Variants in XIRP2 observed in about 807,000 individuals in gnomAD.
XIRP2 encodes xin actin binding repeat containing 2.
XIRP2 carries 236 observed loss-of-function variants against 277.0 expected under a neutral mutation model. That is an observed-to-expected ratio of 0.85 (90% CI 0.77 to 0.95). The LOEUF (loss-of-function observed/expected upper bound fraction) is 0.95. Among genes scored for constraint, XIRP2 ranks in the 40% least tolerant of loss-of-function variants. The probability of loss-of-function intolerance (pLI) is 0.00; values close to 1 mark genes in which losing one functional copy is unlikely to be tolerated. For missense variants in XIRP2, 4,640 were observed against 4,157.5 expected, an observed-to-expected ratio of 1.12 and a Z score of -3.19; for synonymous variants, 1,490 against 1,416.5, an observed-to-expected ratio of 1.05 and a Z score of -1.17.
intron 2 of XIRP2, among the ~76,000 whole-genome samples, chr2:166,936,279 T>C (rs1685499020): frequency 6.6e-6 from 1 of 152,212 alleles, no homozygotes; most frequent in Non-Finnish European, 1.5e-5. Flanking sequence ...TTCTTGTAAA[T>C]TTGTTTGAGT....
chr2:167,251,606 A>G lies in XIRP2; in HGVS notation c.10214A>G (p.Gln3405Arg). The change falls in exon 9 of 11, where the codon CAG (glutamine) becomes CGG (arginine). Residue 3405 changes from glutamine (Q) to arginine (R), a missense_variant. Coordinates refer to ENST00000409195, the MANE Select transcript of XIRP2 (RefSeq NM_152381.6). ...CTGCGAGAAAAGATTCCTGTTAAGC[A>G]GCCCAGGATCTGCTCTGAAACCAGG... ...RELREKIPVKQPRICSETRSL... is the reference protein window; with the variant it reads ...RELREKIPVKRPRICSETRSL... 2 of 1,613,582 alleles carry G rather than the reference A, an allele frequency of 1.2e-6. No homozygotes were observed. The highest frequency in any genetic ancestry group is 2.2e-5 in the South Asian group (2 of 91,068).
rs374329898 is a variant in XIRP2, at chr2:167,006,271, C to A, written c.408+102381C>A. Among the ~76,000 whole-genome samples, 5 of 151,568 alleles carry A rather than the reference C, an allele frequency of 3.3e-5. No homozygotes were observed. In the East Asian group the frequency reaches 9.7e-4, roughly 30 times the overall value. On this transcript the variant is annotated intron_variant, in intron 2 of 10. Coordinates refer to ENST00000409195, the MANE Select transcript of XIRP2 (RefSeq NM_152381.6). ...AAGCTACCAAGGATTTTTTATCCCC[C>A]CTAGGAGTTAGAGAAGACTTTGTAG...
chr2:167,008,922 C>A (rs1490965297), intron 2 of XIRP2, among the ~76,000 whole-genome samples: 1 of 151,336 alleles, frequency 6.6e-6, no homozygotes, highest in East Asian at 1.9e-4. Flanking sequence ...TACTTTTCAC[C>A]TAATTTAGAA....
chr2:167,224,280 T>A (rs1694524792), intron 5 of XIRP2, among the ~76,000 whole-genome samples: 1 of 152,046 alleles, frequency 6.6e-6, no homozygotes, highest in Non-Finnish European at 1.5e-5. Context: ...GTTGCCCAGG[T>A]GGTAGTGCAG....
chr2:166,939,512 C>G (rs185080450), intron 2 of XIRP2, among the ~76,000 whole-genome samples: 208 of 151,688 alleles, frequency 1.4e-3, no homozygotes, highest in Non-Finnish European at 2.2e-3. Flanking sequence ...AACCCCGTCT[C>G]TACTAAAAAT....
At chr2:167,018,460 AC>A in intron 2 of XIRP2, among the ~76,000 whole-genome samples, 1 of 152,186 alleles carries the variant, frequency 6.6e-6, no homozygotes, top group East Asian at 1.9e-4. Flanking sequence ...AAACAGAGAG[AC>A]ACACTATTTA....
At chr2:166,931,238 A>G (rs1685327740) in intron 2 of XIRP2, among the ~76,000 whole-genome samples, 1 of 152,166 alleles carries the variant, frequency 6.6e-6, no homozygotes, top group Admixed American at 6.6e-5. Context: ...AACAGACATG[A>G]ATGTTTAAGA....
chr2:167,107,106 A>G (rs1431805878), intron 2 of XIRP2, among the ~76,000 whole-genome samples: 1 of 151,752 alleles, frequency 6.6e-6, no homozygotes, highest in Non-Finnish European at 1.5e-5. Flanking sequence ...AAATTGGAAG[A>G]GTTTTATTCT....
At chr2:167,008,450 A>C (rs1687565650) in intron 2 of XIRP2, among the ~76,000 whole-genome samples, 1 of 151,618 alleles carries the variant, frequency 6.6e-6, no homozygotes, top group African/African-American at 2.4e-5. Flanking sequence ...ATTCTGTCAT[A>C]ATAAAATGGT....
Position 167,232,270 on chromosome 2 carries a change from C to T in XIRP2, c.859-7585C>T, listed in dbSNP as rs555275175. On this transcript the variant is annotated intron_variant, in intron 5 of 10. Coordinates refer to ENST00000409195, the MANE Select transcript of XIRP2 (RefSeq NM_152381.6). ...TCACTAGGTATGAGTTCATGAAAGA[C>T]GAAGTGTAAATAAATTGGATAGGTG... Among the ~76,000 whole-genome samples the T allele has an allele frequency of 5.3e-5, 8 of 151,996 alleles. No individual in the cohort carries two copies. The East Asian group carries it at 7.7e-4, about 15-fold the overall frequency.
intron 5 of XIRP2, among the ~76,000 whole-genome samples, chr2:167,231,741 A>G (rs1301167068): frequency 6.6e-6 from 1 of 151,994 alleles, no homozygotes. Flanking sequence ...TGGGCTTTGC[A>G]TAAGAGGTTA....
chr2:166,923,999 C>G (rs1293073521), intron 2 of XIRP2, among the ~76,000 whole-genome samples: 2 of 151,960 alleles, frequency 1.3e-5, no homozygotes, highest in Admixed American at 1.3e-4. Flanking sequence ...CATGATATGG[C>G]TCAGCAGGTT....
intron 2 of XIRP2, among the ~76,000 whole-genome samples, chr2:166,936,024 A>T (rs1187742120): frequency 6.6e-6 from 1 of 152,200 alleles, no homozygotes; most frequent in African/African-American, 2.4e-5. Flanking sequence ...TTGCAGTCCC[A>T]CCAACAGTGT....
chr2:166,957,584 G>A (rs1236483132), intron 2 of XIRP2, among the ~76,000 whole-genome samples: 1 of 151,758 alleles, frequency 6.6e-6, no homozygotes, highest in East Asian at 1.9e-4. Flanking sequence ...GTGCTATGCA[G>A]TTGTCCAGGA....
intron 2 of XIRP2, among the ~76,000 whole-genome samples, chr2:166,945,159 C>A (rs953611795): frequency 2.0e-5 from 3 of 152,266 alleles, no homozygotes; most frequent in African/African-American, 7.2e-5. Flanking sequence ...CATCCGCCCA[C>A]TTCCAAGATT....
At chr2:166,915,124 C>T (rs528814506) in intron 2 of XIRP2, among the ~76,000 whole-genome samples, 9 of 151,174 alleles carry the variant, frequency 6.0e-5, no homozygotes, top group South Asian at 4.2e-4. Context: ...GATGCAACCA[C>T]GTCTAGACTA....
At chr2:167,012,127 T>C (rs1687696583) in intron 2 of XIRP2, among the ~76,000 whole-genome samples, 1 of 151,950 alleles carries the variant, frequency 6.6e-6, no homozygotes, top group Admixed American at 6.6e-5. Context: ...TGCTCTTGCT[T>C]TTCTAGTTCT....
chr2:167,001,624 A>G (rs1283840456), intron 2 of XIRP2, among the ~76,000 whole-genome samples: 4 of 152,150 alleles, frequency 2.6e-5, no homozygotes, highest in Non-Finnish European at 4.4e-5. Context: ...CCTATTGTAA[A>G]TAACCTGCAT....
intron 2 of XIRP2, among the ~76,000 whole-genome samples, chr2:167,011,181 C>G (rs1174958732): frequency 1.3e-5 from 2 of 150,498 alleles, no homozygotes; most frequent in South Asian, 2.1e-4. Context: ...CAGTTTTTGC[C>G]CATTCAGTAT....
Sources: allele counts gnomAD v4.1 joint callset (sites outside exome capture counted in the v4.1 genomes callset), GRCh38; gene constraint gnomAD v4.1.1; transcripts MANE v1.5; gene names NCBI Gene and HGNC (gene_info 2026-07-23, HGNC 2026-07-21).